The following XKR4 variants were observed in gnomAD, a reference collection of about 807,000 sequenced individuals.
XKR4 encodes XK related 4.
Under a neutral mutation model 53.9 loss-of-function variants are expected in XKR4, and 12 were observed. That is an observed-to-expected ratio of 0.22 (90% CI 0.14 to 0.36). XKR4 has a LOEUF of 0.36. XKR4 is among the 10% of genes least tolerant of loss of function. The pLI is 1.00. For synonymous variants in XKR4, 354 were observed against 362.4 expected, an observed-to-expected ratio of 0.98 and a Z score of 0.26; for missense variants, 799 against 859.5, an observed-to-expected ratio of 0.93 and a Z score of 0.88.
intron 2 of XKR4, among the ~76,000 whole-genome samples, chr8:55,487,897 G>A (rs1445822576): frequency 6.6e-6 from 1 of 152,158 alleles, no homozygotes; most frequent in Non-Finnish European, 1.5e-5. Flanking sequence ...GCAGATAATA[G>A]TTCCGCTTAA....
intron 1 of XKR4, chr8:55,161,559 G>A (rs766448588): frequency 5.5e-5 from 25 of 456,316 alleles, no homozygotes; most frequent in Admixed American, 1.4e-4. Context: ...TACTGCTGCT[G>A]TCTGTCCGGT....
intron 2 of XKR4, among the ~76,000 whole-genome samples, chr8:55,476,145 G>C (rs992145683): frequency 6.6e-6 from 1 of 152,058 alleles, no homozygotes; most frequent in African/African-American, 2.4e-5. Context: ...GTAGTAGGTA[G>C]AGCCTCAGAA....
intron 1 of XKR4, among the ~76,000 whole-genome samples, chr8:55,320,779 G>A (rs1358981031): frequency 6.6e-6 from 1 of 151,924 alleles, no homozygotes; most frequent in African/African-American, 2.4e-5. Flanking sequence ...AGTCAGACTC[G>A]GTTCCTTCAC....
chr8:55,210,013 G>T (rs192573230), intron 1 of XKR4, among the ~76,000 whole-genome samples: 109 of 151,938 alleles, frequency 7.2e-4, no homozygotes, highest in Non-Finnish European at 1.3e-3. Context: ...ATTGAATGAT[G>T]AACTCATATT....
chr8:55,223,532 G>A (rs1019002788), intron 1 of XKR4, among the ~76,000 whole-genome samples: 10 of 152,126 alleles, frequency 6.6e-5, no homozygotes, highest in African/African-American at 2.2e-4. Context: ...GTAAATAATT[G>A]CATTTCTTTC....
At chr8:55,327,366 AC>A (rs1033547553) in intron 1 of XKR4, among the ~76,000 whole-genome samples, 1 of 151,966 alleles carries the variant, frequency 6.6e-6, no homozygotes, top group African/African-American at 2.4e-5. Context: ...AAAAAAAAAA[AC>A]TTTTTGTTTG....
intron 2 of XKR4, among the ~76,000 whole-genome samples, chr8:55,379,297 G>A (rs1252188016): frequency 1.3e-5 from 2 of 152,092 alleles, no homozygotes; most frequent in Non-Finnish European, 2.9e-5. Flanking sequence ...AATGCTGTCA[G>A]GTGCTTCATA....
At chr8:55,405,417 T>C (rs1178685352) in intron 2 of XKR4, among the ~76,000 whole-genome samples, 1 of 152,230 alleles carries the variant, frequency 6.6e-6, no homozygotes, top group Non-Finnish European at 1.5e-5. Context: ...ATTTGCTTTC[T>C]GAAAACTTCA....
At chr8:55,228,113 G>A (rs908908237) in intron 1 of XKR4, among the ~76,000 whole-genome samples, 1 of 152,046 alleles carries the variant, frequency 6.6e-6, no homozygotes, top group African/African-American at 2.4e-5. Flanking sequence ...CATCATGTTG[G>A]CCAGGCTGGT....
chr8:55,507,968 G>A (rs1343240568), intron 2 of XKR4, among the ~76,000 whole-genome samples: 1 of 152,150 alleles, frequency 6.6e-6, no homozygotes, highest in Non-Finnish European at 1.5e-5. Context: ...CCCACCAACA[G>A]TGTAAAAGTG....
chr8:55,170,921 CCTT>C (rs1439123568), intron 1 of XKR4, among the ~76,000 whole-genome samples: 4 of 152,174 alleles, frequency 2.6e-5, no homozygotes, highest in African/African-American at 9.6e-5. Context: ...TCTCCCCCTC[CCTT>C]CTTCTTTAAC....
chr8:55,182,107 T>C (rs1297843426), intron 1 of XKR4, among the ~76,000 whole-genome samples: 1 of 152,122 alleles, frequency 6.6e-6, no homozygotes, highest in Non-Finnish European at 1.5e-5. Flanking sequence ...AATTTTTCGT[T>C]TTCTTATTGT....
intron 2 of XKR4, among the ~76,000 whole-genome samples, chr8:55,400,490 G>A (rs1442698362): frequency 2.6e-5 from 4 of 152,154 alleles, no homozygotes; most frequent in African/African-American, 9.7e-5. Context: ...CCAAGTCCCT[G>A]CTGAATCATT....
chr8:55,489,736 C>T (rs760291481), intron 2 of XKR4, among the ~76,000 whole-genome samples: 6 of 151,424 alleles, frequency 4.0e-5, no homozygotes, highest in Non-Finnish European at 8.8e-5. Context: ...AGATATATGT[C>T]ACCCATGAAT....
chr8:55,230,252 A>G (rs1268836012), intron 1 of XKR4, among the ~76,000 whole-genome samples: 4 of 152,236 alleles, frequency 2.6e-5, no homozygotes, highest in Non-Finnish European at 5.9e-5. Context: ...CAATTAGAAA[A>G]AAAATCAAAA....
In XKR4 at chr8:55,102,788, G is replaced by T; in HGVS notation, c.300G>T (p.Leu100=). ...GCTCGGCTGCGCTGTGCCTGCGCCT[G>T]GGCAGGGAGCAGCGGCGCTACTCAC... ...GAGSAALCLR[L]GREQRRYSLW... Residue 100 remains leucine (L), a synonymous_variant, in exon 1 of 3, where the codon CTG becomes CTT. Coordinates refer to ENST00000327381, the MANE Select transcript of XKR4 (RefSeq NM_052898.2). The surrounding 1 kb of genome is among the most constrained non-coding windows in gnomAD (Gnocchi z 5.1). The T allele has an allele frequency of 3.8e-6, 6 of 1,595,110 alleles. No individual in the cohort carries two copies. The highest frequency in any genetic ancestry group is 3.4e-6 in the Non-Finnish European group (4 of 1,176,504).
intron 2 of XKR4, among the ~76,000 whole-genome samples, chr8:55,432,837 A>G (rs1805121132): frequency 6.6e-6 from 1 of 150,660 alleles, no homozygotes; most frequent in South Asian, 2.1e-4. Context: ...CTTCTACACT[A>G]GAGGAGAGGA....
At position 55,223,731 on chromosome 8, in the gene XKR4, G is replaced by C. The variant is rs1817915702; in HGVS notation, c.806+120437G>C. On this transcript the variant is annotated intron_variant, in intron 1 of 2. Coordinates refer to ENST00000327381, the MANE Select transcript of XKR4 (RefSeq NM_052898.2). ...GGGATAAAAGAAATAAAAATGTTTA[G>C]AGTGAAGGCTAGATTTTTGTCATGG... 2.6e-5 allele frequency among the ~76,000 whole-genome samples: 4 copies of C among 152,188 alleles called. No individual in the cohort carries two copies. In the South Asian group the frequency reaches 8.3e-4, roughly 31 times the overall value.
intron 2 of XKR4, among the ~76,000 whole-genome samples, chr8:55,365,758 G>C (rs1803973731): frequency 6.6e-6 from 1 of 151,896 alleles, no homozygotes. Flanking sequence ...GGCGGCACAG[G>C]TGCTGGGAGG....
Sources: allele counts gnomAD v4.1 joint callset (sites outside exome capture counted in the v4.1 genomes callset), GRCh38; gene constraint gnomAD v4.1.1; non-coding constraint Gnocchi (gnomAD v3.1); transcripts MANE v1.5; gene names NCBI Gene and HGNC (gene_info 2026-07-23, HGNC 2026-07-21).